Variants in ULK4 observed in about 807,000 individuals in gnomAD.
ULK4 encodes inactive serine/threonine-protein kinase ULK4.
A neutral mutation model predicts 160.6 loss-of-function variants in ULK4; 133 were observed. The ratio of observed to expected loss-of-function variants is 0.83; its 90% CI spans 0.72 to 0.96. The LOEUF (loss-of-function observed/expected upper bound fraction) is 0.96, where lower values mean the gene tolerates loss of function less well. Ranked by LOEUF, ULK4 falls within the 40% of genes least tolerant of loss-of-function variation. The probability of loss-of-function intolerance (pLI) is 0.00; values close to 1 mark genes in which losing one functional copy is unlikely to be tolerated. For synonymous variants in ULK4, 534 were observed against 539.8 expected (o/e 0.99, Z 0.15); for missense variants, 1,580 against 1,499.5 (o/e 1.05, Z -0.89).
At chr3:41,624,632 T>C (rs1488053856) in intron 30 of ULK4, among the ~76,000 whole-genome samples, 1 of 152,080 alleles carries the variant, frequency 6.6e-6, no homozygotes, top group African/African-American at 2.4e-5. Context: ...ACTAATTATG[T>C]AGCTCTAAAC....
At chr3:41,366,365 A>G (rs570860792) in intron 35 of ULK4, among the ~76,000 whole-genome samples, 9 of 152,180 alleles carry the variant, frequency 5.9e-5, no homozygotes, top group Non-Finnish European at 1.3e-4. Flanking sequence ...TAATTTATAT[A>G]TTATGATATT....
At chr3:41,444,788 GC>G (rs1247045570) in intron 34 of ULK4, among the ~76,000 whole-genome samples, 1 of 152,108 alleles carries the variant, frequency 6.6e-6, no homozygotes, top group East Asian at 1.9e-4. Context: ...GATCAACCTG[GC>G]CAGTATGGTG....
At chr3:41,453,936 C>T (rs2125869749) in intron 34 of ULK4, among the ~76,000 whole-genome samples, 1 of 145,988 alleles carries the variant, frequency 6.8e-6, no homozygotes, top group East Asian at 2.1e-4. Flanking sequence ...GACAAAAAAC[C>T]AAACACCACA....
chr3:41,450,889 G>C (rs2083410781), intron 34 of ULK4, among the ~76,000 whole-genome samples: 1 of 152,098 alleles, frequency 6.6e-6, no homozygotes, highest in Non-Finnish European at 1.5e-5. Flanking sequence ...TGTATATATT[G>C]TACACAATGC....
chr3:41,573,974 G>T lies in ULK4; in HGVS notation c.3121-7844C>A, dbSNP rs1268571199. Among the ~76,000 whole-genome samples the T allele has an allele frequency of 3.9e-5, 6 of 152,170 alleles. No individual in the cohort carries two copies. The East Asian group carries it at 1.2e-3, about 29-fold the overall frequency. On this transcript the variant is annotated intron_variant, in intron 31 of 36. Coordinates refer to ENST00000301831, the MANE Select transcript of ULK4 (RefSeq NM_017886.4). The stretch of plus-strand genomic sequence containing the variant: ...TGATTTTTCACAAGGCTGTGTCACA[G>T]GCAGCTTAACCCAGCCTGACCAACA...
chr3:41,755,171 G>A (rs1443941461), intron 21 of ULK4, among the ~76,000 whole-genome samples: 1 of 152,096 alleles, frequency 6.6e-6, no homozygotes, highest in East Asian at 1.9e-4. Flanking sequence ...ATACGGAATC[G>A]TAATATCAGC....
chr3:41,418,070 T>C (rs2082569781), intron 34 of ULK4, among the ~76,000 whole-genome samples: 1 of 152,140 alleles, frequency 6.6e-6, no homozygotes, highest in Admixed American at 6.5e-5. Flanking sequence ...GCTACTTCCA[T>C]ACCCAATAAT....
At chr3:41,346,542 G>A (rs886317715) in intron 35 of ULK4, among the ~76,000 whole-genome samples, 13 of 152,184 alleles carry the variant, frequency 8.5e-5, no homozygotes, top group East Asian at 1.9e-4. Context: ...AAGTCAGACC[G>A]AGGCAGGTAT....
At chr3:41,614,520 C>T (rs1350516933) in intron 31 of ULK4, among the ~76,000 whole-genome samples, 5 of 152,184 alleles carry the variant, frequency 3.3e-5, no homozygotes, top group African/African-American at 4.8e-5. Flanking sequence ...ATTTCTTCAT[C>T]TGCCTCTTCT....
At chr3:41,567,477 C>G (rs1448275151) in intron 31 of ULK4, among the ~76,000 whole-genome samples, 1 of 116,446 alleles carries the variant, frequency 8.6e-6, no homozygotes, top group East Asian at 2.6e-4. Context: ...GAGATGGAGT[C>G]TCGCTCTGTC....
intron 34 of ULK4, among the ~76,000 whole-genome samples, chr3:41,406,266 T>C (rs1307170172): frequency 6.6e-6 from 1 of 152,222 alleles, no homozygotes; most frequent in Non-Finnish European, 1.5e-5. Context: ...TTGTCAAAGA[T>C]CAGGTGGCTG....
At chr3:41,618,822 T>C (rs2033105534) in intron 30 of ULK4, among the ~76,000 whole-genome samples, 1 of 152,136 alleles carries the variant, frequency 6.6e-6, no homozygotes, top group African/African-American at 2.4e-5. Context: ...TAAAAAACAC[T>C]GACTGGCAAA....
chr3:41,710,916 T>G lies in ULK4; in HGVS notation c.2634+4321A>C, dbSNP rs528526782. Among the ~76,000 whole-genome samples the G allele has an allele frequency of 3.9e-5, 6 of 151,936 alleles. No individual in the cohort carries two copies. The South Asian group carries it at 1.3e-3, about 32-fold the overall frequency. ...TGAGCAGAAAGCAGGTAGGAACAAT[T>G]AAGTCTCACAGGAGCTGAAGGGTTG... On this transcript the variant is annotated intron_variant, in intron 25 of 36. Transcript: ENST00000301831.
At chr3:41,445,672 T>C (rs937916211) in intron 34 of ULK4, among the ~76,000 whole-genome samples, 1 of 152,232 alleles carries the variant, frequency 6.6e-6, no homozygotes, top group African/African-American at 2.4e-5. Context: ...GCTAGCCATA[T>C]GGAGAAAGCT....
chr3:41,795,746 G>T (rs2040283724), intron 20 of ULK4, among the ~76,000 whole-genome samples: 1 of 152,164 alleles, frequency 6.6e-6, no homozygotes, highest in Non-Finnish European at 1.5e-5. Flanking sequence ...ATTTTATGAA[G>T]TTCATTTTGT....
intron 30 of ULK4, among the ~76,000 whole-genome samples, chr3:41,647,634 G>A (rs2034563851): frequency 6.6e-6 from 1 of 152,190 alleles, no homozygotes; most frequent in African/African-American, 2.4e-5. Context: ...AGGCTGCTTG[G>A]GGGTCAGGGG....
rs549477034 is a variant in ULK4, at chr3:41,266,846, C to A, written c.3679-17272G>T. On this transcript the variant is annotated intron_variant, in intron 35 of 36. Transcript: ENST00000301831. ...TGAAGTGCTTCATCCAAACAGCCTC[C>A]TTTACTTCCATGGTCCCTTAAAACC... is the stretch of plus-strand genomic sequence containing the variant. Among the ~76,000 whole-genome samples the A allele has an allele frequency of 2.6e-5, 4 of 152,192 alleles. No homozygotes were observed. In the South Asian group the frequency reaches 8.3e-4, roughly 32 times the overall value.
At chr3:41,444,179 T>C (rs183921547) in intron 34 of ULK4, among the ~76,000 whole-genome samples, 66 of 152,320 alleles carry the variant, frequency 4.3e-4, no homozygotes, top group African/African-American at 1.5e-3. Context: ...ACTTTGAAGA[T>C]TGGAAAAGTA....
At chr3:41,477,624 A>C (rs1405379440) in intron 32 of ULK4, among the ~76,000 whole-genome samples, 1 of 152,244 alleles carries the variant, frequency 6.6e-6, no homozygotes, top group Non-Finnish European at 1.5e-5. Context: ...TAAAACCAGA[A>C]GTCACATTAA....
Sources: gnomAD v4.1 joint callset for allele counts (sites outside exome capture counted in the v4.1 genomes callset) on GRCh38, gnomAD v4.1.1 for gene constraint, MANE v1.5 for transcripts, NCBI Gene and HGNC (gene_info 2026-07-23, HGNC 2026-07-21) for gene names.